Variants in GRID1 observed in about 807,000 individuals in gnomAD.
The protein encoded by GRID1 is glutamate receptor ionotropic, delta-1.
A neutral mutation model predicts 98.0 loss-of-function variants in GRID1; 28 were observed. The ratio of observed to expected loss-of-function variants is 0.29; its 90% CI spans 0.21 to 0.39. The LOEUF is 0.39. Among genes scored for constraint, GRID1 ranks in the 10% least tolerant of loss-of-function variants. The pLI, the probability that GRID1 is intolerant of heterozygous loss-of-function variation, is 1.00. For synonymous variants in GRID1, 553 were observed against 538.5 expected (o/e 1.03, Z -0.37); for missense variants, 1,111 against 1,340.5 (o/e 0.83, Z 2.67).
intron 2 of GRID1, among the ~76,000 whole-genome samples, chr10:86,295,641 C>T (rs572406279): frequency 2.0e-5 from 3 of 152,300 alleles, no homozygotes; most frequent in African/African-American, 4.8e-5. Context: ...CGCGATATGA[C>T]GGCCAAAACT....
chr10:85,812,056 G>T (rs1420846829), intron 8 of GRID1, among the ~76,000 whole-genome samples: 1 of 152,178 alleles, frequency 6.6e-6, no homozygotes, highest in East Asian at 1.9e-4. Flanking sequence ...TTTATAGAAA[G>T]TGCTGAAAGA....
chr10:86,256,538 C>G (rs1408540869), intron 2 of GRID1, among the ~76,000 whole-genome samples: 2 of 152,110 alleles, frequency 1.3e-5, no homozygotes, highest in Non-Finnish European at 2.9e-5. Flanking sequence ...CAAGAGGGTC[C>G]AAAAGTGACG....
At chr10:85,854,837 G>T (rs1843093844) in intron 7 of GRID1, among the ~76,000 whole-genome samples, 1 of 152,184 alleles carries the variant, frequency 6.6e-6, no homozygotes, top group Admixed American at 6.5e-5. Flanking sequence ...CCTAAGGCTT[G>T]CACCTGTCAT....
chr10:86,289,892 C>G (rs1370996164), intron 2 of GRID1, among the ~76,000 whole-genome samples: 1 of 152,180 alleles, frequency 6.6e-6, no homozygotes, highest in Non-Finnish European at 1.5e-5. Context: ...CACCAAAGAC[C>G]AGACAAGCTG....
chr10:85,763,739 A>G (rs1842170539), intron 8 of GRID1, among the ~76,000 whole-genome samples: 1 of 152,260 alleles, frequency 6.6e-6, no homozygotes, highest in Admixed American at 6.5e-5. Flanking sequence ...TTGAGTATGT[A>G]TAACATTTAT....
intron 5 of GRID1, among the ~76,000 whole-genome samples, chr10:85,878,632 GA>G (rs1299049387): frequency 1.3e-5 from 2 of 152,162 alleles, no homozygotes; most frequent in Non-Finnish European, 2.9e-5. Flanking sequence ...ACTGAACATG[GA>G]AAGGAACAAC....
chr10:86,233,575 C>T (rs1846489876), intron 2 of GRID1, among the ~76,000 whole-genome samples: 1 of 152,202 alleles, frequency 6.6e-6, no homozygotes, highest in African/African-American at 2.4e-5. Flanking sequence ...TAGGGTAGCT[C>T]ACAGCCAACA....
chr10:86,073,135 AAC>A (rs1395326956), intron 4 of GRID1, among the ~76,000 whole-genome samples: 1 of 152,260 alleles, frequency 6.6e-6, no homozygotes, highest in Non-Finnish European at 1.5e-5. Context: ...AGGAGGCATT[AAC>A]ACCCCCAGAT....
At chr10:86,220,857 G>C in intron 2 of GRID1, among the ~76,000 whole-genome samples, 1 of 152,298 alleles carries the variant, frequency 6.6e-6, no homozygotes, top group African/African-American at 2.4e-5. Context: ...GCCAGGTGTC[G>C]GGGGTGCGCC....
intron 8 of GRID1, among the ~76,000 whole-genome samples, chr10:85,771,332 T>C (rs1842264530): frequency 6.6e-6 from 1 of 152,014 alleles, no homozygotes; most frequent in Non-Finnish European, 1.5e-5. Context: ...GCACTAAACA[T>C]GGAAAGGAAC....
chr10:86,097,110 T>G (rs927881918), intron 4 of GRID1, among the ~76,000 whole-genome samples: 8 of 152,180 alleles, frequency 5.3e-5, no homozygotes, highest in African/African-American at 1.7e-4. Context: ...AAAGTGTGAG[T>G]GACACCATCC....
Position 85,923,532 on chromosome 10 carries a change from G to T in GRID1, c.727-7293C>A, listed in dbSNP as rs531838931. Among the ~76,000 whole-genome samples the T allele has an allele frequency of 5.3e-5, 8 of 152,218 alleles. No individual in the cohort carries two copies. The South Asian group carries it at 1.7e-3, about 32-fold the overall frequency. ...TGGCATTTACAGAACACCTCATCCA[G>T]CCCAGACCCTGAGCTAAGCCCTCTA... On this transcript the variant is annotated intron_variant, in intron 4 of 15. Transcript: ENST00000327946.
intron 3 of GRID1, among the ~76,000 whole-genome samples, chr10:86,163,901 T>C (rs1845360483): frequency 6.6e-6 from 1 of 152,132 alleles, no homozygotes; most frequent in Non-Finnish European, 1.5e-5. Flanking sequence ...CGCTGGTATG[T>C]GGTCGCCTGC....
At chr10:86,226,180 C>G (rs12415201) in intron 2 of GRID1, among the ~76,000 whole-genome samples, 4 of 151,900 alleles carry the variant, frequency 2.6e-5, no homozygotes, top group African/African-American at 9.7e-5. Flanking sequence ...GCCTGTTTCC[C>G]GCACAGACCT....
chr10:86,181,184 C>T (rs1289207588), intron 3 of GRID1, among the ~76,000 whole-genome samples: 1 of 152,204 alleles, frequency 6.6e-6, no homozygotes, highest in Non-Finnish European at 1.5e-5. Context: ...ACTCTTATCC[C>T]CACAGGTGAA....
chr10:86,165,195 C>T (rs1269765392), intron 3 of GRID1, among the ~76,000 whole-genome samples: 2 of 152,188 alleles, frequency 1.3e-5, no homozygotes, highest in African/African-American at 4.8e-5. Context: ...GTGCACATTT[C>T]CCATGCTCCT....
chr10:85,825,056 C>T (rs1490965740), intron 8 of GRID1, among the ~76,000 whole-genome samples: 1 of 152,154 alleles, frequency 6.6e-6, no homozygotes, highest in Non-Finnish European at 1.5e-5. Context: ...GAAAAAAAAT[C>T]CAGACATGGG....
At chr10:85,922,937 G>A (rs111241152) in intron 4 of GRID1, among the ~76,000 whole-genome samples, 10,557 of 152,082 alleles carry the variant, frequency 0.069, 606 homozygotes, top group African/African-American at 0.16. Context: ...TGACTCAGCT[G>A]CTTCTCCTTG....
chr10:85,804,078 A>G (rs1368780444), intron 8 of GRID1, among the ~76,000 whole-genome samples: 1 of 151,808 alleles, frequency 6.6e-6, no homozygotes, highest in Admixed American at 6.6e-5. Context: ...CAGAAAATAT[A>G]TAAAGACAAA....
Sources: allele counts gnomAD v4.1 joint callset (sites outside exome capture counted in the v4.1 genomes callset), GRCh38; gene constraint gnomAD v4.1.1; transcripts MANE v1.5; gene names NCBI Gene and HGNC (gene_info 2026-07-23, HGNC 2026-07-21).